CD1A: variants seen among roughly 807,000 people sequenced by gnomAD.
CD1A encodes T-cell surface glycoprotein CD1a.
Under a neutral mutation model 38.3 loss-of-function variants are expected in CD1A, and 50 were observed. That is an observed-to-expected ratio of 1.30 (90% confidence interval 1.04 to 1.65). The LOEUF is 1.65. CD1A is among the 40% of genes most tolerant of loss of function. The pLI is 0.00. For missense variants in CD1A, 459 were observed against 406.1 expected (o/e 1.13, Z -1.12); for synonymous variants, 160 against 150.8 (o/e 1.06, Z -0.45).
the CD1A span, among the ~76,000 whole-genome samples, chr1:158,249,209 G>A: frequency 2.9e-4 from 44 of 152,190 alleles, 2 homozygotes; most frequent in Non-Finnish European, 4.6e-4. Context: ...AATTTGTGGC[G>A]TTGTGCAGAA....
In CD1A at chr1:158,254,714, TG is replaced by T. The variant is rs768731411; in HGVS notation, c.47del (p.Gly16AlafsTer34). On this transcript the variant is annotated frameshift_variant, in exon 1 of 6. Transcript: ENST00000289429. LOFTEE classifies it high-confidence loss of function. ...LPLLAVLPGD[G>X]NADGLKEPLS... ...CATTGTTAGCTGTTCTCCCAGGTGA[TG>T]GCAATGCAGACGGTAAGAACTCTGA... The T allele has an allele frequency of 6.2e-7, 1 of 1,613,230 alleles. No individual in the cohort carries two copies. The highest frequency in any genetic ancestry group is 8.5e-7 in the Non-Finnish European group (1 of 1,179,404).
chr1:158,255,626 C>G (rs1329206970), intron 2 of CD1A, among the ~76,000 whole-genome samples: 1 of 152,154 alleles, frequency 6.6e-6, no homozygotes, highest in Non-Finnish European at 1.5e-5. Flanking sequence ...TCTGCCTGCC[C>G]TACAACCAGA....
rs775128514 is a variant in CD1A, at chr1:158,256,110, G to A, written c.432G>A (p.Gln144=). 18 of 1,614,094 alleles carry A rather than the reference G, an allele frequency of 1.1e-5. No homozygotes were observed. The East Asian group carries it at 3.6e-4, about 32-fold the overall frequency. The change falls in exon 3 of 6, where the codon CAG becomes CAA. Residue 144 remains glutamine (Q), a synonymous_variant. Coordinates refer to ENST00000289429, the MANE Select transcript of CD1A (RefSeq NM_001763.3). ...AAGGATCAGACTTTGTGAGCTTCCAGAACAATTCATGGTTGCCATATCCAG... is the reference window on the plus strand; with the variant it reads ...AAGGATCAGACTTTGTGAGCTTCCAAAACAATTCATGGTTGCCATATCCAG... The part of the protein sequence containing the change: ...AYQGSDFVSF[Q]NNSWLPYPVA...
At chr1:158,255,661 A>C (rs538954182) in intron 2 of CD1A, among the ~76,000 whole-genome samples, 63 of 152,022 alleles carry the variant, frequency 4.1e-4, no homozygotes, top group African/African-American at 1.5e-3. Flanking sequence ...TCACTTTCTC[A>C]TTCATTCTCT....
intron 4 of CD1A, 145 bp downstream of exon 4, chr1:158,257,209 A>C: frequency 8.6e-7 from 1 of 1,161,376 alleles, no homozygotes; most frequent in Non-Finnish European, 1.2e-6. Context: ...GAAATGTTGA[A>C]AATGAGGGCC....
At position 158,256,206 on chromosome 1, in the gene CD1A, C is replaced by G. The variant is rs374858983; in HGVS notation, c.528C>G (p.His176Gln). 2.5e-6 allele frequency: 4 copies of G among 1,614,006 alleles called. No individual in the cohort carries two copies. The African/African-American group carries it at 5.3e-5, about 22-fold the overall frequency. ...NQNQHENDIT[H>Q]NLLSDTCPRF... ...ATCAGCATGAAAATGACATAACACA[C>G]AATCTTCTCAGTGACACCTGCCCAC... is the stretch of plus-strand genomic sequence containing the variant. The change falls in exon 3 of 6, where the codon CAC (histidine) becomes CAG (glutamine). Residue 176 changes from histidine (H) to glutamine (Q), a missense_variant. His to Gln is a conservative substitution (Grantham distance 24, BLOSUM62 0). Coordinates refer to ENST00000289429, the MANE Select transcript of CD1A (RefSeq NM_001763.3).
upstream of CD1A, chr1:158,254,418 G>T: frequency 1.5e-6 from 2 of 1,332,814 alleles, no homozygotes; most frequent in Non-Finnish European, 9.7e-7. Context: ...TTAGGGGAAG[G>T]TGAATAAGTT....
upstream of CD1A, among the ~76,000 whole-genome samples, chr1:158,252,157 T>C (rs1036766025): frequency 6.7e-6 from 1 of 149,126 alleles, no homozygotes; most frequent in African/African-American, 2.5e-5. Flanking sequence ...TATGTTGCAA[T>C]AGAGGAGATG....
In CD1A at chr1:158,254,575, A is replaced by G. The variant is rs1650175821; in HGVS notation, c.-95A>G. On this transcript the variant is annotated 5_prime_UTR_variant, in exon 1 of 6. Transcript: ENST00000289429. ...GGAGGTTTGTCTGTTGGCTGCAGAA[A>G]GAAGTCAGAATAGAGATATCGTGGG... 5.6e-6 allele frequency: 9 copies of G among 1,598,172 alleles called. No homozygotes were observed. Among genetic ancestry groups the G allele is most frequent in the Admixed American group, 1.7e-5 (1 of 59,388 alleles).
rs1650177369 is a variant in CD1A at position 158,254,621 on chromosome 1, A to T, written c.-49A>T. On this transcript the variant is annotated 5_prime_UTR_variant, in exon 1 of 6. Transcript: ENST00000289429. ...GTGGGGTAGGTTTGTTTGGAACAGA[A>T]ATCAAAGACCAATTTTTCTGAGAGA... 7.4e-6 allele frequency: 12 copies of T among 1,613,478 alleles called. No individual in the cohort carries two copies. In the South Asian group the frequency reaches 1.3e-4, roughly 18 times the overall value.
chr1:158,254,851 C>A (rs1411517853), intron 1 of CD1A, 124 bp downstream of exon 1: 1 of 907,150 alleles, frequency 1.1e-6, no homozygotes, highest in Admixed American at 1.8e-5. Flanking sequence ...TAGCATATAC[C>A]TGGAAAGTGA....
chr1:158,254,785 CTGTGTGTGTGTGTGTGTGTGTGTGTGTG>C (rs55696033), intron 1 of CD1A, 58 bp downstream of exon 1: 294 of 684,456 alleles, frequency 4.3e-4, no homozygotes, highest in Non-Finnish European at 2.1e-4. Context: ...CTCTCTCTCT[CTGTGTGTGTGTGTGTGTGTGTGTGTGTG>C]TGTGTGTGTG....
chr1:158,257,311 G>T (rs1236722015), intron 4 of CD1A, 110 bp from the exon 5 acceptor site: 1 of 988,762 alleles, frequency 1.0e-6, no homozygotes, highest in African/African-American at 1.6e-5. Context: ...AGATTGGTAA[G>T]TTGGATACTC....
At chr1:158,254,159 A>T, upstream of CD1A, 1 of 992,114 alleles carries the variant, frequency 1.0e-6, no homozygotes. Flanking sequence ...GAGACTCTGA[A>T]AAAGCAAATA....
rs973313010 is a variant in CD1A at position 158,254,617 on chromosome 1, C to T, written c.-53C>T. The stretch of plus-strand genomic sequence containing the variant: ...TATCGTGGGGTAGGTTTGTTTGGAA[C>T]AGAAATCAAAGACCAATTTTTCTGA... On this transcript the variant is annotated 5_prime_UTR_variant, in exon 1 of 6. Transcript: ENST00000289429. 21 of 1,612,998 alleles carry T rather than the reference C, an allele frequency of 1.3e-5. No homozygotes were observed. In the African/African-American group the frequency reaches 2.7e-4, roughly 21 times the overall value.
Position 158,256,160 on chromosome 1 carries a change from T to C in CD1A, c.482T>C (p.Phe161Ser). Reference sequence around the variant, plus strand: ...GTGGCTGGGAATATGGCCAAGCATTTCTGCAAAGTGCTCAATCAGAATCAG... The same window carrying C: ...GTGGCTGGGAATATGGCCAAGCATTCCTGCAAAGTGCTCAATCAGAATCAG... The part of the protein sequence containing the change: ...YPVAGNMAKH[F>S]CKVLNQNQHE... The change falls in exon 3 of 6, where the codon TTC becomes TCC. Residue 161 changes from phenylalanine (F) to serine (S), a missense_variant. Transcript: ENST00000289429. The C allele has an allele frequency of 6.2e-7, 1 of 1,614,200 alleles. No homozygotes were observed. Among genetic ancestry groups the C allele is most frequent in the East Asian group, 2.2e-5 (1 of 44,890 alleles).
chr1:158,248,397 T>C, the CD1A span: 30 of 985,328 alleles, frequency 3.0e-5, no homozygotes, highest in Non-Finnish European at 3.6e-5. Context: ...ATGTTTGCGT[T>C]TGGAGGAGCA....
chr1:158,255,404 C>T, intron 2 of CD1A, 54 bp downstream of exon 2: 1 of 1,561,296 alleles, frequency 6.4e-7, no homozygotes, highest in Middle Eastern at 1.7e-4. Context: ...GGGGTTGTCT[C>T]AATGTTTCTT....
chr1:158,252,062 CTTGTGATCCGCCCACG>C (rs1231233892), upstream of CD1A, among the ~76,000 whole-genome samples: 4 of 151,940 alleles, frequency 2.6e-5, no homozygotes, highest in African/African-American at 9.6e-5. Flanking sequence ...AACTCCTGAC[CTTGTGATCCGCCCACG>C]TTGGCCTCCC....
Sources: allele counts gnomAD v4.1 joint callset (sites outside exome capture counted in the v4.1 genomes callset), GRCh38; gene constraint gnomAD v4.1.1; transcripts MANE v1.5; gene names NCBI Gene and HGNC (gene_info 2026-07-23, HGNC 2026-07-21).